ANKRD12: variants seen among roughly 807,000 people sequenced by gnomAD.
The protein encoded by ANKRD12 is ankyrin repeat domain-containing protein 12.
In ANKRD12, 85 loss-of-function variants were observed where a neutral mutation model predicts 183.4. The observed-to-expected ratio is 0.46, with a 90% confidence interval of 0.39 to 0.56. The LOEUF (loss-of-function observed/expected upper bound fraction) is 0.56, where lower values mean the gene tolerates loss of function less well. Among genes scored for constraint, ANKRD12 ranks in the 20% least tolerant of loss-of-function variants. The pLI, the probability that ANKRD12 is intolerant of heterozygous loss-of-function variation, is 0.00. For synonymous variants in ANKRD12, 914 were observed against 800.2 expected (o/e 1.14, Z -2.40); for missense variants, 2,405 against 2,357.1 (o/e 1.02, Z -0.42).
At chr18:9,241,098 T>G (rs1308808109) in intron 8 of ANKRD12, among the ~76,000 whole-genome samples, 3 of 152,148 alleles carry the variant, frequency 2.0e-5, no homozygotes, top group African/African-American at 7.2e-5. Context: ...TTATGTGATG[T>G]TAACAGTTCA....
chr18:9,244,428 TC>T (rs1296822032), intron 8 of ANKRD12, among the ~76,000 whole-genome samples: 2 of 152,134 alleles, frequency 1.3e-5, no homozygotes, highest in African/African-American at 4.8e-5. Context: ...CAAGAGATCT[TC>T]CTGTTGAAGC....
At chr18:9,167,627 T>C in intron 1 of ANKRD12, among the ~76,000 whole-genome samples, 1 of 152,172 alleles carries the variant, frequency 6.6e-6, no homozygotes, top group East Asian at 1.9e-4. Context: ...GCTGAGACGA[T>C]GGGGTTTTCT....
At chr18:9,234,786 A>T (rs938466422) in intron 8 of ANKRD12, among the ~76,000 whole-genome samples, 76 of 152,290 alleles carry the variant, frequency 5.0e-4, no homozygotes, top group Non-Finnish European at 9.3e-4. Context: ...ATGCTTGTGC[A>T]GGGTCTCCAA....
intron 1 of ANKRD12, among the ~76,000 whole-genome samples, chr18:9,175,600 T>C (rs1340282814): frequency 7.4e-6 from 1 of 135,850 alleles, no homozygotes; most frequent in Non-Finnish European, 1.5e-5. Flanking sequence ...CTATCTCGGC[T>C]CACTGCAAAT....
At chr18:9,137,481 CGCGGGG>C (rs1475747695) in intron 1 of ANKRD12, 1 of 145,964 alleles carries the variant, frequency 6.9e-6, no homozygotes, top group African/African-American at 2.5e-5. Context: ...CGGTCGGACC[CGCGGGG>C]GCGGGGGCGC....
At chr18:9,244,156 T>TG (rs1416235994) in intron 8 of ANKRD12, among the ~76,000 whole-genome samples, 1 of 152,164 alleles carries the variant, frequency 6.6e-6, no homozygotes, top group Non-Finnish European at 1.5e-5. Flanking sequence ...TGAATGAAAG[T>TG]GTCTCTTAAC....
In ANKRD12 at chr18:9,258,665, C is replaced by T. The variant is rs772272399; in HGVS notation, c.5398C>T (p.Pro1800Ser). 5.6e-6 allele frequency: 9 copies of T among 1,613,756 alleles called. No homozygotes were observed. The East Asian group carries it at 1.3e-4, about 24-fold the overall frequency. ...SRVPQPVQVS[P>S]SLLQAKEKTQ... The stretch of plus-strand genomic sequence containing the variant: ...TGTACCTCAGCCTGTGCAAGTGAGT[C>T]CCTCTTTACTACAAGCAAAAGAGAA... Residue 1800 changes from proline (P) to serine (S), a missense_variant, in exon 9 of 13, where the codon CCC (proline) becomes TCC (serine). Pro to Ser is a moderately conservative substitution (Grantham distance 74). Coordinates refer to ENST00000262126, the MANE Select transcript of ANKRD12 (RefSeq NM_015208.5).
chr18:9,284,340 TAGAC>T lies in ANKRD12; in HGVS notation c.*3217_*3220del, dbSNP rs1206528675. ...GCTCATTTGAATGGGACTTAACAAT[TAGAC>T]AGTTATTTTAGAAATTGAGTGCAGA... On this transcript the variant is annotated 3_prime_UTR_variant, in exon 13 of 13. Transcript: ENST00000262126. 9.9e-5 allele frequency: 15 copies of T among 152,166 alleles called. No homozygotes were observed. Among genetic ancestry groups the T allele is most frequent in the Non-Finnish European group, 1.3e-4 (9 of 68,022 alleles). The allele number at this position is 152,166 out of a possible 1,614,324, so 9.4% of individuals were successfully genotyped here.
intron 8 of ANKRD12, among the ~76,000 whole-genome samples, chr18:9,242,047 A>G (rs1295491751): frequency 6.6e-6 from 1 of 152,134 alleles, no homozygotes; most frequent in Non-Finnish European, 1.5e-5. Flanking sequence ...ATGTATATAT[A>G]TACACACACA....
chr18:9,181,947 A>C (rs1006952280), intron 1 of ANKRD12, among the ~76,000 whole-genome samples: 2 of 152,182 alleles, frequency 1.3e-5, no homozygotes, highest in African/African-American at 2.4e-5. Context: ...AGGGATTTTA[A>C]ATGGGAAGGA....
intron 9 of ANKRD12, among the ~76,000 whole-genome samples, chr18:9,263,333 A>G (rs777166887): frequency 6.6e-6 from 1 of 152,238 alleles, no homozygotes; most frequent in Non-Finnish European, 1.5e-5. Context: ...CTGCTTTTAT[A>G]AAAGAATTAA....
At chr18:9,182,246 T>G in intron 1 of ANKRD12, 136 bp from the exon 2 acceptor site, 1 of 293,006 alleles carries the variant, frequency 3.4e-6, no homozygotes. Context: ...AGGTGAAAAC[T>G]TACTTTAGCT....
chr18:9,280,007 T>C (rs2040033762), intron 12 of ANKRD12, among the ~76,000 whole-genome samples: 1 of 152,210 alleles, frequency 6.6e-6, no homozygotes, highest in South Asian at 2.1e-4. Flanking sequence ...ATTTCAGAAG[T>C]CTTTCCCCCC....
chr18:9,207,845 A>G (rs1222964359), intron 4 of ANKRD12, among the ~76,000 whole-genome samples: 1 of 152,162 alleles, frequency 6.6e-6, no homozygotes, highest in Non-Finnish European at 1.5e-5. Flanking sequence ...CACCTGCCTT[A>G]ACTCCCAGAG....
chr18:9,175,880 T>C (rs1244376119), intron 1 of ANKRD12, among the ~76,000 whole-genome samples: 1 of 152,160 alleles, frequency 6.6e-6, no homozygotes, highest in Non-Finnish European at 1.5e-5. Flanking sequence ...TTTTGTACTC[T>C]CTGCTAAGAT....
In ANKRD12 at chr18:9,256,334, G is replaced by A. The variant is rs748988604; in HGVS notation, c.3067G>A (p.Asp1023Asn). The change falls in exon 9 of 13, where the codon GAT (aspartate) becomes AAT (asparagine). Residue 1023 changes from aspartate to asparagine, a missense_variant. Around this residue, in one of 7 missense-constraint regions of ANKRD12, gnomAD observed 1,983 missense variants for 1,725.9 expected, o/e 1.15. Transcript: ENST00000262126. ...DGKEKDKKDK[D>N]IDRYKERDKH... is the part of the protein sequence containing the mutation. ...AAAAGAAAAAGATAAAAAAGATAAA[G>A]ATATAGATAGATACAAAGAACGAGA... 1 of 1,592,482 alleles carries A rather than the reference G, an allele frequency of 6.3e-7. No homozygotes were observed. The highest frequency in any genetic ancestry group is 8.5e-7 in the Non-Finnish European group (1 of 1,169,826).
intron 2 of ANKRD12, among the ~76,000 whole-genome samples, chr18:9,183,022 A>C (rs2033810686): frequency 6.6e-6 from 1 of 152,128 alleles, no homozygotes; most frequent in South Asian, 2.1e-4. Context: ...AGGTGTTTCC[A>C]GACATTTTTA....
At chr18:9,200,729 A>G (rs1399541956) in intron 3 of ANKRD12, 2 of 152,252 alleles carry the variant, frequency 1.3e-5, no homozygotes, top group Non-Finnish European at 2.9e-5. Flanking sequence ...CATAGCATGT[A>G]AATTTAGCTT....
intron 1 of ANKRD12, among the ~76,000 whole-genome samples, chr18:9,175,754 CTGAGCTCA>C (rs2033213925): frequency 6.6e-6 from 1 of 151,878 alleles, no homozygotes; most frequent in South Asian, 2.1e-4. Flanking sequence ...TCTTGAACTC[CTGAGCTCA>C]GGCAGTCTGC....
Sources: gnomAD v4.1 joint callset for allele counts (sites outside exome capture counted in the v4.1 genomes callset) on GRCh38, gnomAD v4.1.1 for gene constraint, gnomAD v4.1.1 regional missense constraint, MANE v1.5 for transcripts, NCBI Gene and HGNC (gene_info 2026-07-23, HGNC 2026-07-21) for gene names.